Variants in EPB42 observed in about 807,000 individuals in gnomAD.
EPB42 encodes the protein erythrocyte membrane protein band 4.2, also known as protein 4.2.
EPB42 carries 49 observed loss-of-function variants against 76.9 expected under a neutral mutation model. That is an observed-to-expected ratio of 0.64 (90% CI 0.51 to 0.81). The LOEUF is 0.81. Ranked by LOEUF, EPB42 falls within the 30% of genes least tolerant of loss-of-function variation. The probability of loss-of-function intolerance (pLI) is 0.00; values close to 1 mark genes in which losing one functional copy is unlikely to be tolerated. For missense variants in EPB42, 731 were observed against 867.6 expected, an observed-to-expected ratio of 0.84 and a Z score of 1.98; for synonymous variants, 310 against 338.4, an observed-to-expected ratio of 0.92 and a Z score of 0.92.
At chr15:43,202,850 G>A (rs1567271835) in intron 11 of EPB42, among the ~76,000 whole-genome samples, 1 of 152,152 alleles carries the variant, frequency 6.6e-6, no homozygotes, top group Non-Finnish European at 1.5e-5. Context: ...AATAAACATA[G>A]GCTATTATGA....
At position 43,207,237 on chromosome 15, in the gene EPB42, C is replaced by T. The variant is rs377673168; in HGVS notation, c.1280G>A (p.Arg427His). The T allele has an allele frequency of 2.1e-4, 339 of 1,614,068 alleles. No individual in the cohort carries two copies. The highest frequency in any genetic ancestry group is 5.3e-4 in the East Asian group (24 of 44,876). ...NISTKGVGSD[R>H]CEDITQNYKY... is the part of the protein sequence containing the mutation. Reference sequence around the variant, plus strand: ...GTAGTTCTGAGTGATGTCCTCGCAGCGGTCACTGCCCACACCCTTGGTGCT... The same window carrying T: ...GTAGTTCTGAGTGATGTCCTCGCAGTGGTCACTGCCCACACCCTTGGTGCT... The change falls in exon 9 of 13, where the codon CGC becomes CAC. Residue 427 changes from arginine to histidine, a missense_variant. Coordinates refer to ENST00000441366, the MANE Select transcript of EPB42 (RefSeq NM_001114134.2).
intron 8 of EPB42, 75 bp from the exon 9 acceptor site, chr15:43,207,516 G>T: frequency 6.3e-7 from 1 of 1,599,426 alleles, no homozygotes. Context: ...CGTAACCTCA[G>T]TCCCCATCCT....
Position 43,198,032 on chromosome 15 carries a change from C to T in EPB42, c.1914-568G>A, listed in dbSNP as rs890054366. ...CCTCCTGCCATGATTCTGAGGCCTC[C>T]CCAGCCATGTGGAACTGTAAGTCCA... On this transcript the variant is annotated intron_variant, in intron 12 of 12. Coordinates refer to ENST00000441366, the MANE Select transcript of EPB42 (RefSeq NM_001114134.2). Among the ~76,000 whole-genome samples the T allele has an allele frequency of 3.9e-5, 6 of 152,280 alleles. No individual in the cohort carries two copies. The East Asian group carries it at 1.2e-3, about 29-fold the overall frequency.
intron 10 of EPB42, among the ~76,000 whole-genome samples, chr15:43,203,889 T>C (rs1333950809): frequency 6.6e-6 from 1 of 152,204 alleles, no homozygotes; most frequent in East Asian, 1.9e-4. Context: ...ATATGATGCA[T>C]ATAAAGCACT....
At position 43,210,400 on chromosome 15, in the gene EPB42, T is replaced by A. The variant is rs1258948422; in HGVS notation, c.589A>T (p.Ser197Cys). ...DVIDLSLRLL[S>C]KDKQVEKWSQ... Reference sequence around the variant, plus strand: ...CACTTCTCTACCTGCTTGTCCTTGCTCAGCAAGCGCAGGCTGAGGTCAATG... The same window carrying A: ...CACTTCTCTACCTGCTTGTCCTTGCACAGCAAGCGCAGGCTGAGGTCAATG... Residue 197 changes from serine (S) to cysteine (C), a missense_variant, in exon 5 of 13, where the codon AGC becomes TGC. Physicochemically the swap from Ser to Cys is moderately radical, Grantham distance 112. Transcript: ENST00000441366. The A allele has an allele frequency of 6.2e-7, 1 of 1,613,802 alleles. No individual in the cohort carries two copies. The highest frequency in any genetic ancestry group is 1.3e-5 in the African/African-American group (1 of 74,902).
At chr15:43,216,591 T>TA in intron 1 of EPB42, 138 bp from the exon 2 acceptor site, 1 of 852,432 alleles carries the variant, frequency 1.2e-6, no homozygotes, top group Non-Finnish European at 1.9e-6. Context: ...CCCAGGCAAG[T>TA]AACTTAACCA....
At chr15:43,199,157 G>A (rs1486684047) in intron 12 of EPB42, among the ~76,000 whole-genome samples, 1 of 152,212 alleles carries the variant, frequency 6.6e-6, no homozygotes, top group Non-Finnish European at 1.5e-5. Flanking sequence ...GCTGTGAGAA[G>A]AGGGCCGCCA....
Position 43,197,576 on chromosome 15 carries a change from A to G in EPB42, c.1914-112T>C, listed in dbSNP as rs2042061860. ...AGAGGTGGACCATGCAGAAATAAAC[A>G]TCTAAGTACCTTGCTATTAAAATGG... On this transcript the variant is annotated intron_variant, in intron 12 of 12. Coordinates refer to ENST00000441366, the MANE Select transcript of EPB42 (RefSeq NM_001114134.2). 4.1e-6 allele frequency: 5 copies of G among 1,212,972 alleles called. No individual in the cohort carries two copies. In the South Asian group the frequency reaches 5.2e-5, roughly 13 times the overall value. The allele number at this position is 1,212,972 out of a possible 1,614,324, so 75.1% of individuals were successfully genotyped here. A position where few individuals can be genotyped will look rare whatever the true frequency, so the allele number is the denominator to read the frequency against.
upstream of EPB42, among the ~76,000 whole-genome samples, chr15:43,225,447 G>C (rs1244727860): frequency 6.6e-6 from 1 of 152,172 alleles, no homozygotes; most frequent in Non-Finnish European, 1.5e-5. Context: ...TCTCCTTCTG[G>C]TTCTAGCAAA....
At chr15:43,224,972 CTA>C (rs2042494695), upstream of EPB42, among the ~76,000 whole-genome samples, 1 of 152,240 alleles carries the variant, frequency 6.6e-6, no homozygotes, top group South Asian at 2.1e-4. Flanking sequence ...TGGGGTCCCA[CTA>C]TGTTTCCCAG....
rs769529879 is a variant in EPB42 at position 43,210,432 on chromosome 15, C to T, written c.557G>A (p.Gly186Glu). ...GCGCAGGCTGAGGTCAATGACATCC[C>T]CCTCGAACTGTTAAGGATCACACAG... Reference protein sequence around the residue: ...AESWDFGQFEGDVIDLSLRLL... With the variant: ...AESWDFGQFEEDVIDLSLRLL... The change falls in exon 5 of 13, where the codon GGG becomes GAG. Residue 186 changes from glycine (G) to glutamate (E), a missense_variant. Coordinates refer to ENST00000441366, the MANE Select transcript of EPB42 (RefSeq NM_001114134.2). The T allele has an allele frequency of 3.1e-6, 5 of 1,613,516 alleles. No individual in the cohort carries two copies. The highest frequency in any genetic ancestry group is 4.2e-6 in the Non-Finnish European group (5 of 1,179,916).
chr15:43,201,819 G>C, intron 12 of EPB42, 25 bp downstream of exon 12: 1 of 1,614,186 alleles, frequency 6.2e-7, no homozygotes, highest in Non-Finnish European at 8.5e-7. Flanking sequence ...CATTTCAGGG[G>C]GATGAGAAGC....
intron 8 of EPB42, among the ~76,000 whole-genome samples, chr15:43,207,727 G>C (rs1331183359): frequency 1.3e-5 from 2 of 152,222 alleles, no homozygotes; most frequent in African/African-American, 4.8e-5. Flanking sequence ...GAGCTCTCAA[G>C]CCAGCTTTAC....
intron 3 of EPB42, among the ~76,000 whole-genome samples, chr15:43,214,405 G>T (rs1031538907): frequency 3.3e-5 from 5 of 152,240 alleles, no homozygotes; most frequent in African/African-American, 4.8e-5. Context: ...CTGGTGAACC[G>T]TAGGGTCCTG....
In EPB42 at chr15:43,202,331, G is replaced by A. The variant is rs75168735; in HGVS notation, c.1780-354C>T. Among the ~76,000 whole-genome samples, 837 of 152,066 alleles carry A rather than the reference G, an allele frequency of 5.5e-3. 9 individuals are homozygous for A. Among genetic ancestry groups the A allele is most frequent in the African/African-American group, 0.019 (801 of 41,476 alleles). ...CATGACTAAGTGACATCCCAGCCCC[G>A]TCAGGGACTGTTCCATCCCCAGCAC... On this transcript the variant is annotated intron_variant, in intron 11 of 12. Transcript: ENST00000441366.
intron 12 of EPB42, among the ~76,000 whole-genome samples, chr15:43,197,780 T>G (rs2042065451): frequency 6.6e-6 from 1 of 152,146 alleles, no homozygotes; most frequent in African/African-American, 2.4e-5. Context: ...AGTGATATGG[T>G]TTGGCTGTGT....
chr15:43,214,031 CG>C (rs1468099885), intron 3 of EPB42, among the ~76,000 whole-genome samples: 1 of 152,218 alleles, frequency 6.6e-6, no homozygotes, highest in Non-Finnish European at 1.5e-5. Flanking sequence ...TGCCTTGCCA[CG>C]GGGCCTCCTT....
intron 10 of EPB42, among the ~76,000 whole-genome samples, chr15:43,203,930 T>C (rs2042164081): frequency 6.6e-6 from 1 of 152,234 alleles, no homozygotes; most frequent in Non-Finnish European, 1.5e-5. Flanking sequence ...AGTAAGTGCC[T>C]GATAAATGTG....
rs527836019 is a variant in EPB42 at position 43,217,116 on chromosome 15, C to T, written c.11-663G>A. On this transcript the variant is annotated intron_variant, in intron 1 of 12. Transcript: ENST00000441366. ...GATATGGTTTGGCTTTGGGTCCCTG[C>T]CCAAATTTCAGGTCGAATTGTAATC... Among the ~76,000 whole-genome samples, 3 of 152,298 alleles carry T rather than the reference C, an allele frequency of 2.0e-5. No homozygotes were observed. The East Asian group carries it at 5.8e-4, about 29-fold the overall frequency.
Sources: gnomAD v4.1 joint callset for allele counts (sites outside exome capture counted in the v4.1 genomes callset) on GRCh38, gnomAD v4.1.1 for gene constraint, MANE v1.5 for transcripts, NCBI Gene and HGNC (gene_info 2026-07-23, HGNC 2026-07-21) for gene names.